The following ATR variants were observed in gnomAD, a reference collection of about 807,000 sequenced individuals.
The protein encoded by ATR is serine/threonine-protein kinase ATR.
A neutral mutation model predicts 305.3 loss-of-function variants in ATR; 142 were observed. That is an observed-to-expected ratio of 0.47 (90% CI 0.41 to 0.53). The LOEUF (loss-of-function observed/expected upper bound fraction) is 0.53, where lower values mean the gene tolerates loss of function less well. Among genes scored for constraint, ATR ranks in the 20% least tolerant of loss-of-function variants. The pLI is 0.00. For synonymous variants in ATR, 1,050 were observed against 1,068.1 expected, an observed-to-expected ratio of 0.98 and a Z score of 0.33; for missense variants, 2,135 against 3,133.1, an observed-to-expected ratio of 0.68 and a Z score of 7.60.
intron 46 of ATR, chr3:142,452,081 T>C: frequency 9.8e-7 from 1 of 1,016,902 alleles, no homozygotes; most frequent in Non-Finnish European, 1.2e-6. Context: ...AAAAGAAATT[T>C]TTCTTTTAGT....
At chr3:142,450,176 T>A in intron 46 of ATR, 4 of 412,822 alleles carry the variant, frequency 9.7e-6, no homozygotes, top group Non-Finnish European at 1.4e-5. Flanking sequence ...CCATCTGCCA[T>A]CGACTTTTCC....
intron 13 of ATR, 72 bp from the exon 14 acceptor site, chr3:142,550,374 C>A: frequency 6.8e-7 from 1 of 1,478,324 alleles, no homozygotes; most frequent in South Asian, 1.1e-5. Context: ...TTTAAGCCAC[C>A]ATAGAGGGCA....
chr3:142,495,331 A>G (rs1481402735), intron 34 of ATR, among the ~76,000 whole-genome samples: 1 of 152,220 alleles, frequency 6.6e-6, no homozygotes, highest in Non-Finnish European at 1.5e-5. Flanking sequence ...GTAACCACAA[A>G]TGGCACCAAC....
chr3:142,528,139 C>A (rs543179435), intron 21 of ATR, among the ~76,000 whole-genome samples: 1 of 152,312 alleles, frequency 6.6e-6, no homozygotes, highest in Admixed American at 6.5e-5. Context: ...AAAGATCCAA[C>A]TAATACAATA....
rs756023295 is a variant in ATR, at chr3:142,505,314, T to C, written c.5032-11A>G. The C allele has an allele frequency of 1.2e-6, 2 of 1,612,824 alleles. No homozygotes were observed. Among genetic ancestry groups the C allele is most frequent in the Admixed American group, 1.7e-5 (1 of 59,974 alleles). On this transcript the variant is annotated splice_polypyrimidine_tract_variant and intron_variant, in intron 28 of 46. Transcript: ENST00000350721. Reference sequence around the variant, plus strand: ...AGCAGCATACAATTTCTTTGTTCAATGATTAAAAAACAATCAAAAACAAGA... The same window carrying C: ...AGCAGCATACAATTTCTTTGTTCAACGATTAAAAAACAATCAAAAACAAGA...
chr3:142,502,299 A>G (rs1408406964), intron 30 of ATR, among the ~76,000 whole-genome samples: 3 of 152,232 alleles, frequency 2.0e-5, no homozygotes, highest in Admixed American at 6.5e-5. Context: ...ATAATAGCAA[A>G]GACATGAAAT....
chr3:142,555,947 T>C lies in ATR; in HGVS notation c.2271A>G (p.Gln757=), dbSNP rs1403551625. 1.2e-6 allele frequency: 2 copies of C among 1,613,586 alleles called. No homozygotes were observed. The highest frequency in any genetic ancestry group is 1.1e-5 in the South Asian group (1 of 90,850). Residue 757 remains glutamine, a synonymous_variant, in exon 10 of 47, where the codon CAA becomes CAG. Coordinates refer to ENST00000350721, the MANE Select transcript of ATR (RefSeq NM_001184.4). The stretch of plus-strand genomic sequence containing the variant: ...ATGGCTTGCAGACAGAAGCTTTTAG[T>C]TGAGAAGATGAACATTCATGTTGAG... ...ATSQHECSSS[Q]LKASVCKPFL...
chr3:142,520,857 G>T (rs2033119857), intron 23 of ATR, among the ~76,000 whole-genome samples: 1 of 152,170 alleles, frequency 6.6e-6, no homozygotes, highest in South Asian at 2.1e-4. Flanking sequence ...TTATCCAGAA[G>T]ATCTAGCTAA....
At chr3:142,504,746 G>A (rs144409915) in intron 29 of ATR, among the ~76,000 whole-genome samples, 4,237 of 152,320 alleles carry the variant, frequency 0.028, 181 homozygotes, top group African/African-American at 0.096. Flanking sequence ...TTACAGGCAT[G>A]AGCCGCCGCA....
Position 142,552,887 on chromosome 3 carries a change from T to C in ATR, c.2805+340A>G, listed in dbSNP as rs1454648346. ...AAAACCAAACACCACAAGTTCTCAC[T>C]TATAAGTAGGAGCTGAATGATGAGA... On this transcript the variant is annotated intron_variant, in intron 13 of 46. Transcript: ENST00000350721. 2.6e-5 allele frequency among the ~76,000 whole-genome samples: 4 copies of C among 151,162 alleles called. No individual in the cohort carries two copies. In the East Asian group the frequency reaches 7.8e-4, roughly 30 times the overall value.
At chr3:142,537,233 C>A (rs886479395) in intron 19 of ATR, among the ~76,000 whole-genome samples, 1 of 86,314 alleles carries the variant, frequency 1.2e-5, no homozygotes, top group African/African-American at 4.1e-5. Flanking sequence ...GGATTACAGG[C>A]TCTTTTTGCT....
Position 142,556,146 on chromosome 3 carries a change from A to G in ATR, c.2079-7T>C, listed in dbSNP as rs2034664115. ...ATCATCTTTGACTTTATCTCTGGGG[A>G]AAAAAAAGAAAAAGTACTAAACTTT... On this transcript the variant is annotated splice_polypyrimidine_tract_variant and splice_region_variant and intron_variant, in intron 9 of 46. Coordinates refer to ENST00000350721, the MANE Select transcript of ATR (RefSeq NM_001184.4). 4.3e-6 allele frequency: 7 copies of G among 1,610,778 alleles called. No individual in the cohort carries two copies. In the Admixed American group the frequency reaches 5.0e-5, roughly 12 times the overall value.
Position 142,459,288 on chromosome 3 carries a change from G to A in ATR, c.7288C>T (p.Pro2430Ser), listed in dbSNP as rs2070974029. 6.2e-7 allele frequency: 1 copy of A among 1,613,866 alleles called. No homozygotes were observed. Among genetic ancestry groups the A allele is most frequent in the Admixed American group, 1.7e-5 (1 of 60,004 alleles). The change falls in exon 43 of 47, where the codon CCC becomes TCC. Residue 2430 changes from proline to serine, a missense_variant. Pro to Ser is a moderately conservative substitution (Grantham distance 74, BLOSUM62 -1). Around this residue, in one of 9 missense-constraint regions of ATR, gnomAD observed 462 missense variants for 887.6 expected, o/e 0.52. Coordinates refer to ENST00000350721, the MANE Select transcript of ATR (RefSeq NM_001184.4). ...TCATGAAAAATAGGAGGATGCCTGG[G>A]CAGGAGAAATTCTCGGAATACTTTG... ...KLKVFREFLL[P>S]RHPPIFHEWF...
intron 36 of ATR, among the ~76,000 whole-genome samples, chr3:142,479,143 G>C (rs1025831399): frequency 4.6e-5 from 7 of 151,990 alleles, no homozygotes; most frequent in Non-Finnish European, 1.0e-4. Context: ...ATGTTAGCTG[G>C]TTATTTTGCT....
intron 12 of ATR, 89 bp from the exon 13 acceptor site, chr3:142,553,487 C>A (rs2108463472): frequency 6.7e-7 from 1 of 1,483,224 alleles, no homozygotes; most frequent in Non-Finnish European, 9.3e-7. Flanking sequence ...TCCAATATCC[C>A]AGAAACAAAC....
intron 37 of ATR, among the ~76,000 whole-genome samples, 161 bp from the exon 38 acceptor site, chr3:142,469,730 C>T (rs1365839680): frequency 6.6e-6 from 1 of 152,116 alleles, no homozygotes; most frequent in Admixed American, 6.6e-5. Flanking sequence ...AGATAGTTGT[C>T]TCTGTCCAAC....
intron 4 of ATR, among the ~76,000 whole-genome samples, chr3:142,561,834 C>T (rs543222548): frequency 1.5e-4 from 23 of 152,204 alleles, no homozygotes; most frequent in Non-Finnish European, 2.9e-4. Context: ...TAGAAAAAAG[C>T]GCATAATTTG....
In ATR at chr3:142,541,172, T is replaced by C; in HGVS notation, c.3451-138A>G. The C allele has an allele frequency of 6.9e-6, 8 of 1,161,792 alleles. No homozygotes were observed. The South Asian group carries it at 1.1e-4, about 16-fold the overall frequency. 72.0% of individuals were successfully genotyped at this position (1,161,792 alleles called of 1,614,324 possible). ...ATAATACAAAAGATTGAATAAATGT[T>C]GGCCAGTTTGTTTTGTCCAATTGCT... On this transcript the variant is annotated intron_variant, in intron 17 of 46. Transcript: ENST00000350721.
At chr3:142,492,563 T>A (rs1168278900) in intron 35 of ATR, among the ~76,000 whole-genome samples, 1 of 152,138 alleles carries the variant, frequency 6.6e-6, no homozygotes, top group East Asian at 1.9e-4. Flanking sequence ...CTCTCCCTAC[T>A]TTTTTAGTTC....
Sources: allele counts gnomAD v4.1 joint callset (sites outside exome capture counted in the v4.1 genomes callset), GRCh38; gene constraint gnomAD v4.1.1; regional missense constraint gnomAD v4.1.1; transcripts MANE v1.5; gene names NCBI Gene and HGNC (gene_info 2026-07-23, HGNC 2026-07-21).